HERC4: variants seen among roughly 807,000 people sequenced by gnomAD.
The protein encoded by HERC4 is HECT and RLD domain containing E3 ubiquitin protein ligase 4, also known as probable E3 ubiquitin-protein ligase HERC4.
A neutral mutation model predicts 124.3 loss-of-function variants in HERC4; 28 were observed. The observed-to-expected ratio is 0.23, with a 90% confidence interval of 0.17 to 0.31. The LOEUF (loss-of-function observed/expected upper bound fraction) is 0.31. Among genes scored for constraint, HERC4 ranks in the 10% least tolerant of loss-of-function variants. The pLI, the probability that HERC4 is intolerant of heterozygous loss-of-function variation, is 1.00. For synonymous variants in HERC4, 407 were observed against 421.5 expected (o/e 0.97, Z 0.42); for missense variants, 713 against 1,229.3 (o/e 0.58, Z 6.28).
chr10:67,954,548 T>C, intron 19 of HERC4, 47 bp downstream of exon 19: 1 of 1,509,348 alleles, frequency 6.6e-7, no homozygotes, highest in Non-Finnish European at 9.1e-7. Context: ...CAGGTATAAA[T>C]ACATGGGTAT....
chr10:67,944,075 C>CTGCAGG (rs2033135990), intron 19 of HERC4, among the ~76,000 whole-genome samples: 1 of 152,266 alleles, frequency 6.6e-6, no homozygotes, highest in African/African-American at 2.4e-5. Context: ...CACCTGCTGA[C>CTGCAGG]TGCAGAGCCC....
chr10:68,063,871 G>A (rs984533210), intron 3 of HERC4, among the ~76,000 whole-genome samples: 1 of 152,156 alleles, frequency 6.6e-6, no homozygotes, highest in Non-Finnish European at 1.5e-5. Context: ...CCTGGGAGGT[G>A]GAGGCTGCAG....
intron 15 of HERC4, among the ~76,000 whole-genome samples, chr10:67,985,227 G>A (rs1435213101): frequency 6.6e-6 from 1 of 151,948 alleles, no homozygotes; most frequent in Non-Finnish European, 1.5e-5. Context: ...AAAAAGTTTA[G>A]ACAATCTCTC....
At chr10:68,059,525 A>AATATTATAT (rs2040757720) in intron 3 of HERC4, among the ~76,000 whole-genome samples, 1 of 110,106 alleles carries the variant, frequency 9.1e-6, no homozygotes, top group South Asian at 2.7e-4. Context: ...ATATCATAAT[A>AATATTATAT]ATATTATATA....
chr10:68,057,948 G>A lies in HERC4; in HGVS notation c.227-13385C>T, dbSNP rs543275805. 3.3e-5 allele frequency among the ~76,000 whole-genome samples: 5 copies of A among 152,192 alleles called. No homozygotes were observed. In the South Asian group the frequency reaches 8.3e-4, roughly 25 times the overall value. ...ATTCCTAAGCTCAGGCAATCCGCCTGCCTTGGCCTCCCTAAGTGCTAGGAT... is the reference window on the plus strand; with the variant it reads ...ATTCCTAAGCTCAGGCAATCCGCCTACCTTGGCCTCCCTAAGTGCTAGGAT... On this transcript the variant is annotated intron_variant, in intron 3 of 24. Coordinates refer to ENST00000373700, the MANE Select transcript of HERC4 (RefSeq NM_015601.4).
intron 3 of HERC4, among the ~76,000 whole-genome samples, chr10:68,071,106 G>C (rs1156925102): frequency 1.3e-5 from 2 of 152,092 alleles, no homozygotes; most frequent in Non-Finnish European, 2.9e-5. Flanking sequence ...ACAACAATGA[G>C]GCAATCCTAA....
intron 3 of HERC4, among the ~76,000 whole-genome samples, chr10:68,057,450 C>G (rs989808649): frequency 6.6e-6 from 1 of 151,774 alleles, no homozygotes; most frequent in African/African-American, 2.4e-5. Context: ...ATGGTGAAAC[C>G]CTGTCTCTGC....
At chr10:67,996,575 A>G (rs1417253933) in intron 9 of HERC4, among the ~76,000 whole-genome samples, 1 of 152,226 alleles carries the variant, frequency 6.6e-6, no homozygotes, top group Admixed American at 6.5e-5. Context: ...AATCATTAAT[A>G]CTTAACGTAT....
chr10:67,973,640 TAGA>T (rs745682630), intron 15 of HERC4, among the ~76,000 whole-genome samples: 4 of 152,178 alleles, frequency 2.6e-5, no homozygotes, highest in Non-Finnish European at 5.9e-5. Flanking sequence ...AGGATATTGC[TAGA>T]AGATTTAAAG....
chr10:67,927,421 TATA>T (rs2031209726), intron 23 of HERC4, among the ~76,000 whole-genome samples: 14 of 11,904 alleles, frequency 1.2e-3, no homozygotes, highest in African/African-American at 2.4e-3. Context: ...TATATATATA[TATA>T]TATATATTTT....
chr10:68,051,611 G>C (rs1030211726), intron 3 of HERC4, among the ~76,000 whole-genome samples: 3 of 149,458 alleles, frequency 2.0e-5, no homozygotes, highest in Admixed American at 1.3e-4. Flanking sequence ...CGCCCGCCTC[G>C]GCCTCCCAAA....
chr10:68,020,086 T>G (rs887227481), intron 8 of HERC4, among the ~76,000 whole-genome samples: 2 of 152,162 alleles, frequency 1.3e-5, no homozygotes, highest in African/African-American at 4.8e-5. Flanking sequence ...CACTGTGCAT[T>G]AGCAGGGAAA....
At chr10:68,018,972 T>C (rs1318164331) in intron 8 of HERC4, among the ~76,000 whole-genome samples, 1 of 142,032 alleles carries the variant, frequency 7.0e-6, no homozygotes, top group Non-Finnish European at 1.5e-5. Flanking sequence ...ATAAAGGTCA[T>C]CATCAGCCAA....
intron 1 of HERC4, 110 bp from the exon 2 acceptor site, chr10:68,073,796 A>C (rs1276352177): frequency 6.6e-6 from 1 of 152,208 alleles, no homozygotes; most frequent in Non-Finnish European, 1.5e-5. Context: ...TCTCTTACCA[A>C]ACCATAATCT....
chr10:67,926,384 C>G (rs1312486390), intron 23 of HERC4, among the ~76,000 whole-genome samples: 2 of 145,694 alleles, frequency 1.4e-5, no homozygotes, highest in Non-Finnish European at 3.0e-5. Context: ...TCAACAAGAG[C>G]GAAACTCCAT....
intron 21 of HERC4, among the ~76,000 whole-genome samples, chr10:67,938,057 T>C (rs2032523866): frequency 6.6e-6 from 1 of 152,110 alleles, no homozygotes; most frequent in Non-Finnish European, 1.5e-5. Context: ...GACAGCAGAA[T>C]ATGGCATCTT....
chr10:67,989,656 T>TA (rs1253338096), intron 14 of HERC4, among the ~76,000 whole-genome samples: 4 of 151,866 alleles, frequency 2.6e-5, no homozygotes, highest in Admixed American at 2.6e-4. Flanking sequence ...GGCCAGGAAA[T>TA]AGAGATAAAA....
chr10:68,073,252 T>A, intron 2 of HERC4, 66 bp from the exon 3 acceptor site: 1 of 616,382 alleles, frequency 1.6e-6, no homozygotes, highest in Non-Finnish European at 2.8e-6. Flanking sequence ...CTCTTTCAAG[T>A]GCTAGGCTAC....
chr10:68,072,882 C>A lies in HERC4; in HGVS notation c.226+1G>T. The A allele has an allele frequency of 6.5e-7, 1 of 1,540,954 alleles. No homozygotes were observed. The highest frequency in any genetic ancestry group is 8.7e-7 in the Non-Finnish European group (1 of 1,144,892). The stretch of plus-strand genomic sequence containing the variant: ...CAAATTTTAAAAACATTTCAACTTA[C>A]CTGGTTTCTTTCTGGATTTTTCATG... On this transcript the variant is annotated splice_donor_variant, in intron 3 of 24. Coordinates refer to ENST00000373700, the MANE Select transcript of HERC4 (RefSeq NM_015601.4). LOFTEE classifies it high-confidence loss of function.
Sources: allele counts gnomAD v4.1 joint callset (sites outside exome capture counted in the v4.1 genomes callset), GRCh38; gene constraint gnomAD v4.1.1; transcripts MANE v1.5; gene names NCBI Gene and HGNC (gene_info 2026-07-23, HGNC 2026-07-21).